Variants in ZCCHC7 observed in about 807,000 individuals in gnomAD.
The protein encoded by ZCCHC7 is zinc finger CCHC-type containing 7.
In ZCCHC7, 35 loss-of-function variants were observed where a neutral mutation model predicts 52.0. That is an observed-to-expected ratio of 0.67 (90% CI 0.51 to 0.89). The LOEUF (loss-of-function observed/expected upper bound fraction) is 0.89, where lower values mean the gene tolerates loss of function less well. Among genes scored for constraint, ZCCHC7 ranks in the 40% least tolerant of loss-of-function variants. The pLI, the probability that ZCCHC7 is intolerant of heterozygous loss-of-function variation, is 0.00. For missense variants in ZCCHC7, 574 were observed against 649.1 expected (o/e 0.88, Z 1.26); for synonymous variants, 217 against 221.5 (o/e 0.98, Z 0.18).
chr9:37,349,324 A>T, intron 6 of ZCCHC7, 33 bp from the exon 7 acceptor site: 1 of 1,604,628 alleles, frequency 6.2e-7, no homozygotes, highest in African/African-American at 1.3e-5. Context: ...TTCTTCTAAC[A>T]TCAACAAACC....
chr9:37,162,129 GTGGTACTTT>G (rs1290803942), intron 2 of ZCCHC7, among the ~76,000 whole-genome samples: 1 of 152,108 alleles, frequency 6.6e-6, no homozygotes, highest in Non-Finnish European at 1.5e-5. Context: ...TGTTAGCAAA[GTGGTACTTT>G]TGTAAACTTT....
At chr9:37,237,401 C>T (rs1226968665) in intron 2 of ZCCHC7, among the ~76,000 whole-genome samples, 1 of 152,162 alleles carries the variant, frequency 6.6e-6, no homozygotes, top group Non-Finnish European at 1.5e-5. Flanking sequence ...TAGTGATCCT[C>T]TTCTCATGTT....
Position 37,327,853 on chromosome 9 carries a change from T to C in ZCCHC7, c.987+19T>C, listed in dbSNP as rs1830312760. ...CCTAACGGTGAGTAGAAACACCTTTTTTATTTTCCCCAAGACCTAGCCTAT... is the reference window on the plus strand; with the variant it reads ...CCTAACGGTGAGTAGAAACACCTTTCTTATTTTCCCCAAGACCTAGCCTAT... On this transcript the variant is annotated intron_variant, in intron 6 of 8. Transcript: ENST00000336755. The C allele has an allele frequency of 6.8e-6, 11 of 1,612,660 alleles. No individual in the cohort carries two copies. The East Asian group carries it at 2.5e-4, about 36-fold the overall frequency.
At chr9:37,131,347 A>G (rs1842773755) in intron 2 of ZCCHC7, among the ~76,000 whole-genome samples, 2 of 148,924 alleles carry the variant, frequency 1.3e-5, no homozygotes, top group Admixed American at 6.7e-5. Flanking sequence ...CAAAAAAAAA[A>G]AGAAAAAAAA....
chr9:37,185,697 G>T (rs1255025905), intron 2 of ZCCHC7, among the ~76,000 whole-genome samples: 1 of 152,022 alleles, frequency 6.6e-6, no homozygotes, highest in Admixed American at 6.6e-5. Flanking sequence ...GGTGGCTTTG[G>T]TCTCAAATTT....
chr9:37,271,784 G>A (rs62533797), intron 2 of ZCCHC7, among the ~76,000 whole-genome samples: 21,565 of 152,102 alleles, frequency 0.14, 1,754 homozygotes, highest in Non-Finnish European at 0.17. Context: ...TGGCCAGGCT[G>A]GTCTCAAACT....
At chr9:37,176,223 T>C (rs1026978283) in intron 2 of ZCCHC7, among the ~76,000 whole-genome samples, 5 of 152,090 alleles carry the variant, frequency 3.3e-5, no homozygotes, top group South Asian at 2.1e-4. Flanking sequence ...TACAGGCGCC[T>C]GCCACCATGC....
intron 2 of ZCCHC7, among the ~76,000 whole-genome samples, chr9:37,274,317 A>T (rs1827576593): frequency 6.8e-6 from 1 of 147,170 alleles, no homozygotes; most frequent in Non-Finnish European, 1.5e-5. Context: ...TATGAAAATT[A>T]CCATATCTAA....
chr9:37,127,088 T>A, intron 2 of ZCCHC7, 146 bp downstream of exon 2: 1 of 922,270 alleles, frequency 1.1e-6, no homozygotes, highest in Non-Finnish European at 1.6e-6. Flanking sequence ...TGCGACTCTC[T>A]TACCAGTGGC....
intron 2 of ZCCHC7, among the ~76,000 whole-genome samples, chr9:37,217,505 C>T (rs1396522416): frequency 6.6e-6 from 1 of 152,008 alleles, no homozygotes; most frequent in Non-Finnish European, 1.5e-5. Flanking sequence ...CCTTATAAAG[C>T]TCCCCTTTCG....
intron 6 of ZCCHC7, among the ~76,000 whole-genome samples, chr9:37,331,839 C>T (rs907730233): frequency 4.0e-5 from 6 of 151,386 alleles, no homozygotes; most frequent in Non-Finnish European, 7.4e-5. Context: ...CAGTAGATAT[C>T]AAGTGATAGG....
intron 2 of ZCCHC7, among the ~76,000 whole-genome samples, chr9:37,261,933 A>C (rs1460519714): frequency 1.3e-5 from 2 of 152,168 alleles, no homozygotes; most frequent in East Asian, 3.9e-4. Context: ...AATGAGAACT[A>C]TGATTCTGGG....
chr9:37,334,189 T>G (rs1037895298), intron 6 of ZCCHC7, among the ~76,000 whole-genome samples: 1 of 151,990 alleles, frequency 6.6e-6, no homozygotes, highest in African/African-American at 2.4e-5. Context: ...AGGTATTTCA[T>G]GCCATTTATT....
intron 1 of ZCCHC7, among the ~76,000 whole-genome samples, chr9:37,125,729 C>G (rs538488850): frequency 9.9e-5 from 15 of 152,238 alleles, no homozygotes; most frequent in African/African-American, 3.4e-4. Flanking sequence ...TGCGGTAGAT[C>G]TCAATTTGTT....
intron 2 of ZCCHC7, among the ~76,000 whole-genome samples, chr9:37,282,158 A>G (rs1375433978): frequency 6.6e-6 from 1 of 152,144 alleles, no homozygotes; most frequent in Non-Finnish European, 1.5e-5. Flanking sequence ...TAAAATATTA[A>G]CTTGTTTAAT....
intron 7 of ZCCHC7, among the ~76,000 whole-genome samples, chr9:37,352,952 A>T (rs1821482708): frequency 6.6e-6 from 1 of 152,206 alleles, no homozygotes; most frequent in Non-Finnish European, 1.5e-5. Flanking sequence ...AGAAGGATGG[A>T]AATGATAAAG....
Position 37,257,547 on chromosome 9 carries a change from C to T in ZCCHC7, c.611-44641C>T, listed in dbSNP as rs376660968. 8.2e-4 allele frequency among the ~76,000 whole-genome samples: 124 copies of T among 151,852 alleles called. 2 individuals carry two copies. The East Asian group carries it at 8.3e-3, about 10-fold the overall frequency. ...CAAAACAATGCCACTCTTCTCATTTCGGAAAATAGATTTTTCATAGAAGTT... is the reference window on the plus strand; with the variant it reads ...CAAAACAATGCCACTCTTCTCATTTTGGAAAATAGATTTTTCATAGAAGTT... On this transcript the variant is annotated intron_variant, in intron 2 of 8. Transcript: ENST00000336755.
In ZCCHC7 at chr9:37,357,580, G is replaced by GA. The variant is rs1215823295; in HGVS notation, c.*319dup. The GA allele has an allele frequency of 2.2e-5, 4 of 180,918 alleles. No individual in the cohort carries two copies. Among genetic ancestry groups the GA allele is most frequent in the African/African-American group, 4.7e-5 (2 of 42,406 alleles). The allele number at this position is 180,918 out of a possible 1,614,324, so 11.2% of individuals were successfully genotyped here. A position where few individuals can be genotyped will look rare whatever the true frequency, so the allele number is the denominator to read the frequency against. On this transcript the variant is annotated 3_prime_UTR_variant, in exon 9 of 9. Coordinates refer to ENST00000336755, the MANE Select transcript of ZCCHC7 (RefSeq NM_032226.3). ...AGAAAGTGTTTTAAAAATACTTTGG[G>GA]AAAAAAACTGCATCAAAGGTAATTT...
At position 37,137,436 on chromosome 9, in the gene ZCCHC7, A is replaced by G. The variant is rs564350518; in HGVS notation, c.610+10494A>G. On this transcript the variant is annotated intron_variant, in intron 2 of 8. Transcript: ENST00000336755. Reference sequence around the variant, plus strand: ...GACTGTATGTGCCATTCATGTTTATATGTGGCTGGATGTGATGAAATGTTT... The same window carrying G: ...GACTGTATGTGCCATTCATGTTTATGTGTGGCTGGATGTGATGAAATGTTT... Among the ~76,000 whole-genome samples, 13 of 152,342 alleles carry G rather than the reference A, an allele frequency of 8.5e-5. No individual in the cohort carries two copies. The East Asian group carries it at 2.5e-3, about 29-fold the overall frequency.
Sources: gnomAD v4.1 joint callset for allele counts (sites outside exome capture counted in the v4.1 genomes callset) on GRCh38, gnomAD v4.1.1 for gene constraint, MANE v1.5 for transcripts, NCBI Gene and HGNC (gene_info 2026-07-23, HGNC 2026-07-21) for gene names.